Variants in USP40 observed in about 807,000 individuals in gnomAD.
USP40 encodes ubiquitin carboxyl-terminal hydrolase 40.
USP40 carries 143 observed loss-of-function variants against 166.2 expected under a neutral mutation model. The ratio of observed to expected loss-of-function variants is 0.86; its 90% CI spans 0.75 to 0.99. The LOEUF (loss-of-function observed/expected upper bound fraction) is 0.99. Among genes scored for constraint, USP40 ranks in the 50% least tolerant of loss-of-function variants. USP40 has a pLI of 0.00. For synonymous variants in USP40, 498 were observed against 524.0 expected, an observed-to-expected ratio of 0.95 and a Z score of 0.68; for missense variants, 1,444 against 1,479.7, an observed-to-expected ratio of 0.98 and a Z score of 0.40.
chr2:233,496,956 G>C, intron 23 of USP40, 124 bp from the exon 24 acceptor site: 1 of 635,762 alleles, frequency 1.6e-6, no homozygotes, highest in Non-Finnish European at 2.7e-6. Context: ...AGCAGATATG[G>C]AAGACACAGG....
intron 5 of USP40, 131 bp downstream of exon 5, chr2:233,556,724 A>T: frequency 1.2e-6 from 1 of 836,088 alleles, no homozygotes; most frequent in Non-Finnish European, 1.7e-6. Flanking sequence ...TGTAGTTAGA[A>T]GAAAAAAAAA....
chr2:233,485,115 T>A (rs1334335264), intron 30 of USP40, among the ~76,000 whole-genome samples: 1 of 152,250 alleles, frequency 6.6e-6, no homozygotes, highest in Non-Finnish European at 1.5e-5. Context: ...AGTTTTATTT[T>A]ATGCTTTTTC....
chr2:233,498,491 C>G lies in USP40; in HGVS notation c.2715+57G>C. ...TCATGAGTGGAATGGGTACCTTGTA[C>G]GAAAATATGACATAAATGTAATCAT... On this transcript the variant is annotated intron_variant, in intron 23 of 31. Transcript: ENST00000678225. 3.9e-6 allele frequency: 6 copies of G among 1,527,702 alleles called. No individual in the cohort carries two copies. In the South Asian group the frequency reaches 6.0e-5, roughly 15 times the overall value. 94.6% of individuals were successfully genotyped at this position (1,527,702 alleles called of 1,614,324 possible). A position where few individuals can be genotyped will look rare whatever the true frequency, so the allele number is the denominator to read the frequency against.
rs1340081508 is a variant in USP40, at chr2:233,521,106, G to T, written c.2210C>A (p.Thr737Asn). The part of the protein sequence containing the change: ...QDSHDDNSLL[T>N]KEEKWVTSMN... ...ACTAGTGACCCATTTCTCTTCCTTGGTCAACAAGCTGTAGGTAAAAAGAAA... is the reference window on the plus strand; with the variant it reads ...ACTAGTGACCCATTTCTCTTCCTTGTTCAACAAGCTGTAGGTAAAAAGAAA... The change falls in exon 17 of 32, where the codon ACC becomes AAC. Residue 737 changes from threonine to asparagine, a missense_variant. Coordinates refer to ENST00000678225, the MANE Select transcript of USP40 (RefSeq NM_001365479.2). The T allele has an allele frequency of 2.5e-6, 4 of 1,609,614 alleles. No homozygotes were observed. The highest frequency in any genetic ancestry group is 3.4e-6 in the Non-Finnish European group (4 of 1,178,390).
chr2:233,529,546 C>A (rs1390232546), intron 11 of USP40, 34 bp from the exon 12 acceptor site: 1 of 1,520,406 alleles, frequency 6.6e-7, no homozygotes, highest in Admixed American at 2.0e-5. Flanking sequence ...CTTGTGTTGG[C>A]TAAATGAAAT....
intron 23 of USP40, among the ~76,000 whole-genome samples, chr2:233,498,204 A>T (rs1169459099): frequency 2.0e-5 from 3 of 152,182 alleles, no homozygotes; most frequent in African/African-American, 7.2e-5. Context: ...CTGAGATCAA[A>T]ACATTCAGGG....
At position 233,549,180 on chromosome 2, in the gene USP40, A is replaced by T; in HGVS notation, c.887T>A (p.Ile296Lys). Residue 296 changes from isoleucine to lysine, a missense_variant, in exon 8 of 32, where the codon ATA (isoleucine) becomes AAA (lysine). Physicochemically the swap from Ile to Lys is moderately radical, Grantham distance 102. Transcript: ENST00000678225. The stretch of plus-strand genomic sequence containing the variant: ...GCCTCCGTAGCAGCCACCTTTGTGT[A>T]TAATAACTGAGAAGAGGTCATATAT... ...EYIYDLFSVI[I>K]HKGGCYGGHY... The T allele has an allele frequency of 6.4e-7, 1 of 1,557,488 alleles. No individual in the cohort carries two copies. Among genetic ancestry groups the T allele is most frequent in the Non-Finnish European group, 8.8e-7 (1 of 1,136,144 alleles).
At chr2:233,556,329 T>A (rs553708679) in intron 5 of USP40, among the ~76,000 whole-genome samples, 1 of 152,212 alleles carries the variant, frequency 6.6e-6, no homozygotes, top group African/African-American at 2.4e-5. Flanking sequence ...ATATGTGTCA[T>A]TACAAAGAAC....
chr2:233,523,972 C>T (rs2125228845), intron 15 of USP40, among the ~76,000 whole-genome samples: 1 of 152,306 alleles, frequency 6.6e-6, no homozygotes, highest in East Asian at 1.9e-4. Context: ...ACTGACTGGC[C>T]TTTGATCTAG....
intron 18 of USP40, among the ~76,000 whole-genome samples, chr2:233,515,064 G>A (rs867059809): frequency 3.8e-4 from 58 of 152,176 alleles, no homozygotes; most frequent in African/African-American, 1.4e-3. Flanking sequence ...ATGCATTCAT[G>A]TGTTGTATGT....
chr2:233,531,515 T>C (rs890899930), intron 11 of USP40, among the ~76,000 whole-genome samples: 1 of 152,210 alleles, frequency 6.6e-6, no homozygotes, highest in African/African-American at 2.4e-5. Context: ...AGACTAATAC[T>C]CCATTTGAAG....
chr2:233,535,569 A>G (rs1463790358), intron 10 of USP40, among the ~76,000 whole-genome samples: 1 of 152,216 alleles, frequency 6.6e-6, no homozygotes, highest in East Asian at 1.9e-4. Context: ...CTGGAACTAA[A>G]GCCAAAATTG....
chr2:233,522,127 T>A (rs1173347370), intron 16 of USP40, among the ~76,000 whole-genome samples: 4 of 152,216 alleles, frequency 2.6e-5, no homozygotes, highest in South Asian at 4.1e-4. Flanking sequence ...TTCAAGGCAG[T>A]TTATAAAGAG....
chr2:233,545,203 A>T (rs577760468), intron 8 of USP40, among the ~76,000 whole-genome samples: 1 of 152,350 alleles, frequency 6.6e-6, no homozygotes, highest in Non-Finnish European at 1.5e-5. Flanking sequence ...ATAATAAAAT[A>T]AGTATGTTTA....
intron 10 of USP40, 76 bp downstream of exon 10, chr2:233,540,586 C>T: frequency 1.2e-6 from 1 of 854,176 alleles, no homozygotes; most frequent in Non-Finnish European, 1.9e-6. Context: ...TATCCTTCTG[C>T]AAAGGAATTC....
rs371823130 is a variant in USP40, at chr2:233,523,226, C to T, written c.2145G>A (p.Glu715=). ...TTGAGCTTCCATTTCTGAGCCCTTG[C>T]TCCCTGAACGTCTTCCTCATGTCTT... is the stretch of plus-strand genomic sequence containing the variant. ...PKEDMRKTFR[E]QGLRNGSSIL... The change falls in exon 16 of 32, where the codon GAG becomes GAA. Residue 715 remains glutamate, a synonymous_variant. Transcript: ENST00000678225. 1.6e-4 allele frequency: 251 copies of T among 1,613,788 alleles called. No individual in the cohort carries two copies. The highest frequency in any genetic ancestry group is 2.0e-4 in the Non-Finnish European group (239 of 1,179,844).
rs1466620007 is a variant in USP40 at position 233,527,496 on chromosome 2, G to A, written c.1636C>T (p.His546Tyr). The change falls in exon 13 of 32, where the codon CAC (histidine) becomes TAC (tyrosine). Residue 546 changes from histidine to tyrosine, a missense_variant. Coordinates refer to ENST00000678225, the MANE Select transcript of USP40 (RefSeq NM_001365479.2). ...CTTTCTGTTTGAGAGACTACTGGGT[G>A]CAGAGCCCCATTGAAGAAATGATAC... Reference protein sequence around the residue: ...PQYHFFNGALHPVVSQTESVW... With the variant: ...PQYHFFNGALYPVVSQTESVW... The A allele has an allele frequency of 1.9e-6, 3 of 1,613,590 alleles. No homozygotes were observed. Among genetic ancestry groups the A allele is most frequent in the Non-Finnish European group, 8.5e-7 (1 of 1,179,752 alleles).
rs3075066 is a variant in USP40 at position 233,491,603 on chromosome 2, CGTGTGTGT to C, written c.2918-350_2918-343del. 6.9e-4 allele frequency among the ~76,000 whole-genome samples: 103 copies of C among 149,996 alleles called. 1 individual carries two copies. The highest frequency in any genetic ancestry group is 1.1e-3 in the Non-Finnish European group (73 of 67,488). On this transcript the variant is annotated intron_variant, in intron 25 of 31. Coordinates refer to ENST00000678225, the MANE Select transcript of USP40 (RefSeq NM_001365479.2). ...ATAACACTCATCCCAACCTGTTCCT[CGTGTGTGT>C]GTGTGTGTGTGTGTGTGTGTGTGTC...
At chr2:233,524,589 T>C (rs770714763) in intron 14 of USP40, 27 bp from the exon 15 acceptor site, 1 of 1,540,172 alleles carries the variant, frequency 6.5e-7, no homozygotes, top group Non-Finnish European at 8.8e-7. Context: ...AGTGAGACCA[T>C]TCATCATGAC....
Sources: allele counts gnomAD v4.1 joint callset (sites outside exome capture counted in the v4.1 genomes callset), GRCh38; gene constraint gnomAD v4.1.1; transcripts MANE v1.5; gene names NCBI Gene and HGNC (gene_info 2026-07-23, HGNC 2026-07-21).